The following SGCD variants were observed in gnomAD, a reference collection of about 807,000 sequenced individuals.
SGCD encodes delta-sarcoglycan.
Under a neutral mutation model 36.6 loss-of-function variants are expected in SGCD, and 18 were observed. That is an observed-to-expected ratio of 0.49 (90% CI 0.34 to 0.73). The LOEUF (loss-of-function observed/expected upper bound fraction) is 0.73. Among genes scored for constraint, SGCD ranks in the 30% least tolerant of loss-of-function variants. The probability of loss-of-function intolerance (pLI) is 0.01; values close to 1 mark genes in which losing one functional copy is unlikely to be tolerated. For missense variants in SGCD, 387 were observed against 346.7 expected, an observed-to-expected ratio of 1.12 and a Z score of -0.92; for synonymous variants, 133 against 130.6, an observed-to-expected ratio of 1.02 and a Z score of -0.12.
intron 4 of SGCD, among the ~76,000 whole-genome samples, chr5:156,527,308 G>T (rs375586593): frequency 2.0e-5 from 3 of 152,110 alleles, no homozygotes; most frequent in Admixed American, 2.0e-4. Context: ...TATAATTGGA[G>T]GCAAAGATGA....
At chr5:156,052,890 G>A (rs1343825850) in intron 1 of SGCD, among the ~76,000 whole-genome samples, 1 of 146,292 alleles carries the variant, frequency 6.8e-6, no homozygotes, top group Non-Finnish European at 1.5e-5. Context: ...GTTTTGCCCA[G>A]AGACTCAATT....
intron 7 of SGCD, among the ~76,000 whole-genome samples, chr5:156,706,530 T>C (rs999216215): frequency 9.9e-5 from 15 of 152,074 alleles, no homozygotes; most frequent in African/African-American, 3.4e-4. Flanking sequence ...TGCTCCTTCC[T>C]GTGTCATACT....
intron 3 of SGCD, among the ~76,000 whole-genome samples, chr5:156,427,963 G>A (rs1459742158): frequency 6.6e-6 from 1 of 151,994 alleles, no homozygotes; most frequent in African/African-American, 2.4e-5. Flanking sequence ...GGATTTTAGT[G>A]TCTGTGTTCA....
intron 1 of SGCD, among the ~76,000 whole-genome samples, chr5:156,002,935 T>C (rs930369805): frequency 2.0e-5 from 3 of 152,208 alleles, no homozygotes; most frequent in African/African-American, 7.2e-5. Flanking sequence ...TATGCTCCTT[T>C]TAGGTTTTTA....
Position 156,555,112 on chromosome 5 carries a change from A to G in SGCD, c.295-34119A>G, listed in dbSNP as rs895774670. Among the ~76,000 whole-genome samples, 6 of 152,042 alleles carry G rather than the reference A, an allele frequency of 3.9e-5. No homozygotes were observed. In the East Asian group the frequency reaches 1.2e-3, roughly 29 times the overall value. On this transcript the variant is annotated intron_variant, in intron 4 of 8. Coordinates refer to ENST00000337851, the MANE Select transcript of SGCD (RefSeq NM_000337.6). The stretch of plus-strand genomic sequence containing the variant: ...TATTGTTCAGTTGTGATAAGTTTGT[A>G]TATATTTTGGACACTAGATCTTTAA...
intron 1 of SGCD, among the ~76,000 whole-genome samples, chr5:155,954,045 C>T (rs1260890004): frequency 6.6e-6 from 1 of 152,110 alleles, no homozygotes; most frequent in Non-Finnish European, 1.5e-5. Flanking sequence ...CATATTTAGG[C>T]TAAGAAAATA....
At chr5:156,159,870 T>G (rs949626639) in intron 3 of SGCD, among the ~76,000 whole-genome samples, 3 of 151,638 alleles carry the variant, frequency 2.0e-5, no homozygotes, top group Non-Finnish European at 4.4e-5. Flanking sequence ...GAATACCTTC[T>G]TTAACAAATC....
At chr5:156,482,461 T>C (rs1185317399) in intron 3 of SGCD, among the ~76,000 whole-genome samples, 4 of 152,200 alleles carry the variant, frequency 2.6e-5, no homozygotes, top group African/African-American at 9.7e-5. Flanking sequence ...GAAATAACTA[T>C]AACTTCGTTT....
At chr5:156,575,438 C>T (rs1259573111) in intron 4 of SGCD, among the ~76,000 whole-genome samples, 1 of 152,162 alleles carries the variant, frequency 6.6e-6, no homozygotes. Flanking sequence ...GTAGAACAAG[C>T]GGAAAGTGCT....
At chr5:156,000,650 C>T (rs867296311) in intron 1 of SGCD, among the ~76,000 whole-genome samples, 3 of 152,072 alleles carry the variant, frequency 2.0e-5, no homozygotes, top group African/African-American at 4.8e-5. Context: ...CTTCCCCCTG[C>T]CTCCTTACCC....
intron 7 of SGCD, among the ~76,000 whole-genome samples, chr5:156,692,354 A>G (rs1581407276): frequency 6.6e-6 from 1 of 152,152 alleles, no homozygotes. Flanking sequence ...GCGTGGGGAG[A>G]TATGGCACAA....
intron 1 of SGCD, among the ~76,000 whole-genome samples, chr5:156,040,962 A>G (rs1241244479): frequency 1.3e-5 from 2 of 152,144 alleles, no homozygotes; most frequent in African/African-American, 4.8e-5. Flanking sequence ...TTAGAATCTC[A>G]ATTCAAAAAA....
intron 1 of SGCD, among the ~76,000 whole-genome samples, chr5:156,102,516 T>C (rs995112516): frequency 6.6e-6 from 1 of 152,210 alleles, no homozygotes; most frequent in Admixed American, 6.5e-5. Context: ...ATGTCTTTCT[T>C]CAGTAAAATA....
chr5:155,925,020 G>T (rs909196250), intron 1 of SGCD, among the ~76,000 whole-genome samples: 1 of 152,100 alleles, frequency 6.6e-6, no homozygotes, highest in African/African-American at 2.4e-5. Context: ...CTTGTCCTTA[G>T]CAAAATGAGG....
intron 7 of SGCD, among the ~76,000 whole-genome samples, chr5:156,753,048 G>A (rs947477651): frequency 4.6e-5 from 7 of 152,100 alleles, no homozygotes; most frequent in African/African-American, 7.2e-5. Context: ...GTGGCCCGCC[G>A]AAACAAGCAG....
At chr5:155,952,535 G>A (rs1362685318) in intron 1 of SGCD, among the ~76,000 whole-genome samples, 2 of 152,030 alleles carry the variant, frequency 1.3e-5, no homozygotes, top group Non-Finnish European at 2.9e-5. Context: ...TCCAAAAGAC[G>A]TACCCTGTTT....
At chr5:155,948,596 C>T (rs374292890) in intron 1 of SGCD, among the ~76,000 whole-genome samples, 6 of 152,222 alleles carry the variant, frequency 3.9e-5, no homozygotes, top group Middle Eastern at 3.4e-3. Context: ...CTACAATAAG[C>T]GGCAATCCTT....
intron 3 of SGCD, among the ~76,000 whole-genome samples, chr5:156,366,659 A>G (rs1182079466): frequency 8.5e-5 from 13 of 152,240 alleles, no homozygotes; most frequent in Non-Finnish European, 1.9e-4. Flanking sequence ...GGAAGAGGCT[A>G]GAACTGGAGC....
At chr5:156,552,314 G>A (rs1053940754) in intron 4 of SGCD, among the ~76,000 whole-genome samples, 1 of 152,180 alleles carries the variant, frequency 6.6e-6, no homozygotes, top group African/African-American at 2.4e-5. Context: ...CTGTAGTGCT[G>A]TGTTGAGAAG....
Sources: allele counts gnomAD v4.1 joint callset (sites outside exome capture counted in the v4.1 genomes callset), GRCh38; gene constraint gnomAD v4.1.1; transcripts MANE v1.5; gene names NCBI Gene and HGNC (gene_info 2026-07-23, HGNC 2026-07-21).